The following BCL2 variants were observed in gnomAD, a reference collection of about 807,000 sequenced individuals.
BCL2 encodes BCL2 apoptosis regulator.
Under a neutral mutation model 14.2 loss-of-function variants are expected in BCL2, and 1 was observed. The ratio of observed to expected loss-of-function variants is 0.07; its 90% confidence interval spans 0.02 to 0.33. The LOEUF (loss-of-function observed/expected upper bound fraction) is 0.33. BCL2 is among the 10% of genes least tolerant of loss of function. The pLI is 0.99. For synonymous variants in BCL2, 151 were observed against 137.2 expected (o/e 1.10, Z -0.70); for missense variants, 247 against 305.9 (o/e 0.81, Z 1.44).
At chr18:63,250,023 A>G (rs946033503) in intron 2 of BCL2, among the ~76,000 whole-genome samples, 2 of 152,128 alleles carry the variant, frequency 1.3e-5, no homozygotes, top group African/African-American at 4.8e-5. Flanking sequence ...TATTTTACAG[A>G]CCAGGAAGCC....
chr18:63,223,780 T>G (rs1910470297), intron 2 of BCL2, among the ~76,000 whole-genome samples: 1 of 152,210 alleles, frequency 6.6e-6, no homozygotes, highest in South Asian at 2.1e-4. Flanking sequence ...CAGAAACATT[T>G]TATTCTACAG....
At chr18:63,280,496 C>T (rs1912278882) in intron 2 of BCL2, among the ~76,000 whole-genome samples, 1 of 152,154 alleles carries the variant, frequency 6.6e-6, no homozygotes, top group African/African-American at 2.4e-5. Flanking sequence ...ACAAAACAAC[C>T]TGATTTTAAA....
chr18:63,266,656 C>CACACAA (rs768525120), intron 2 of BCL2, among the ~76,000 whole-genome samples: 2 of 150,344 alleles, frequency 1.3e-5, no homozygotes, highest in African/African-American at 2.5e-5. Context: ...CACACACACA[C>CACACAA]AAAAATATAT....
chr18:63,212,694 G>A (rs185097716), intron 2 of BCL2, among the ~76,000 whole-genome samples: 37 of 152,178 alleles, frequency 2.4e-4, no homozygotes, highest in Admixed American at 6.5e-4. Flanking sequence ...GGCCAACATG[G>A]TGAAATCCTG....
At chr18:63,293,914 G>A (rs1912726066) in intron 2 of BCL2, among the ~76,000 whole-genome samples, 2 of 150,054 alleles carry the variant, frequency 1.3e-5, no homozygotes, top group African/African-American at 4.9e-5. Flanking sequence ...ATCTTTTTTA[G>A]GAAGCAGCTG....
chr18:63,168,473 T>C (rs1488600925), intron 2 of BCL2, among the ~76,000 whole-genome samples: 2 of 152,188 alleles, frequency 1.3e-5, no homozygotes, highest in African/African-American at 4.8e-5. Flanking sequence ...ACTGAGGCCC[T>C]GGAGGATGCA....
chr18:63,211,063 C>T (rs1172237140), intron 2 of BCL2, among the ~76,000 whole-genome samples: 10 of 59,160 alleles, frequency 1.7e-4, no homozygotes, highest in African/African-American at 4.9e-4. Context: ...CTTTTCATTT[C>T]TTTTTTTTTT....
chr18:63,299,658 C>A (rs1912901969), intron 2 of BCL2, among the ~76,000 whole-genome samples: 1 of 152,160 alleles, frequency 6.6e-6, no homozygotes, highest in African/African-American at 2.4e-5. Flanking sequence ...CCGCTTCATC[C>A]CCTTCCATTC....
intron 2 of BCL2, among the ~76,000 whole-genome samples, chr18:63,148,287 T>A (rs1266505618): frequency 1.3e-5 from 2 of 152,178 alleles, no homozygotes; most frequent in Admixed American, 1.3e-4. Flanking sequence ...TTTAGCCAGA[T>A]GATGTATACT....
At chr18:63,139,243 G>A (rs372516196) in intron 2 of BCL2, among the ~76,000 whole-genome samples, 2 of 152,178 alleles carry the variant, frequency 1.3e-5, no homozygotes, top group African/African-American at 2.4e-5. Flanking sequence ...TTCAAAAGAC[G>A]TACTTCTGAA....
chr18:63,252,114 C>G (rs769339972), intron 2 of BCL2, among the ~76,000 whole-genome samples: 1 of 152,178 alleles, frequency 6.6e-6, no homozygotes, highest in African/African-American at 2.4e-5. Context: ...CTCTACCAAT[C>G]TTTTAGTCCT....
At chr18:63,168,132 G>A (rs556859836) in intron 2 of BCL2, among the ~76,000 whole-genome samples, 1 of 152,368 alleles carries the variant, frequency 6.6e-6, no homozygotes, top group African/African-American at 2.4e-5. Context: ...TAAAGGCAGA[G>A]GGGCCTATTG....
chr18:63,317,659 G>A, intron 2 of BCL2: 1 of 1,030,158 alleles, frequency 9.7e-7, no homozygotes, highest in Non-Finnish European at 1.2e-6. Flanking sequence ...AGCTTGTTTG[G>A]GATGCAGACT....
At chr18:63,191,410 A>G (rs535602703) in intron 2 of BCL2, among the ~76,000 whole-genome samples, 1 of 152,236 alleles carries the variant, frequency 6.6e-6, no homozygotes, top group African/African-American at 2.4e-5. Flanking sequence ...TTTAGCAACT[A>G]TAATAACTTG....
intron 2 of BCL2, among the ~76,000 whole-genome samples, chr18:63,197,607 G>T (rs1000405489): frequency 6.6e-6 from 1 of 152,040 alleles, no homozygotes; most frequent in Non-Finnish European, 1.5e-5. Flanking sequence ...TCAATCAGGG[G>T]AACGGTCACA....
At chr18:63,213,253 T>C (rs980765565) in intron 2 of BCL2, among the ~76,000 whole-genome samples, 1 of 152,208 alleles carries the variant, frequency 6.6e-6, no homozygotes, top group African/African-American at 2.4e-5. Context: ...GCAGGTATTC[T>C]TCCTGGCAAA....
intron 2 of BCL2, among the ~76,000 whole-genome samples, chr18:63,268,121 C>T (rs113890338): frequency 2.3e-4 from 35 of 152,282 alleles, no homozygotes; most frequent in Non-Finnish European, 4.3e-4. Flanking sequence ...TGCACACCAC[C>T]GTGAGTAGCC....
Position 63,280,323 on chromosome 18 carries a change from T to G in BCL2, c.585+37759A>C, listed in dbSNP as rs368353014. On this transcript the variant is annotated intron_variant, in intron 2 of 2. Transcript: ENST00000333681. ...TATCTATTAAATGAAGGTGATAATA[T>G]CTATTTCTCAGGGTTGTAAAATGAA... Among the ~76,000 whole-genome samples, 159 of 152,260 alleles carry G rather than the reference T, an allele frequency of 1.0e-3. 1 individual carries two copies. Among genetic ancestry groups the G allele is most frequent in the African/African-American group, 3.6e-3 (148 of 41,544 alleles).
At chr18:63,308,344 CA>C (rs1362418271) in intron 2 of BCL2, among the ~76,000 whole-genome samples, 1 of 152,224 alleles carries the variant, frequency 6.6e-6, no homozygotes, top group African/African-American at 2.4e-5. Flanking sequence ...CAACACTGAT[CA>C]GAGTTAAAAT....
Sources: gnomAD v4.1 joint callset for allele counts (sites outside exome capture counted in the v4.1 genomes callset) on GRCh38, gnomAD v4.1.1 for gene constraint, MANE v1.5 for transcripts, NCBI Gene and HGNC (gene_info 2026-07-23, HGNC 2026-07-21) for gene names.